The following ANO2 variants were observed in gnomAD, a reference collection of about 807,000 sequenced individuals.
ANO2 encodes the protein anoctamin 2.
A neutral mutation model predicts 124.2 loss-of-function variants in ANO2; 101 were observed. That is an observed-to-expected ratio of 0.81 (90% CI 0.69 to 0.96). ANO2 has a LOEUF of 0.96. ANO2 is among the 40% of genes least tolerant of loss of function. The pLI is 0.00. For synonymous variants in ANO2, 486 were observed against 482.5 expected, an observed-to-expected ratio of 1.01 and a Z score of -0.09; for missense variants, 1,293 against 1,274.5, an observed-to-expected ratio of 1.01 and a Z score of -0.22.
At chr12:5,812,775 T>C (rs1443007181) in intron 7 of ANO2, among the ~76,000 whole-genome samples, 1 of 36,988 alleles carries the variant, frequency 2.7e-5, no homozygotes, top group African/African-American at 1.1e-4. Flanking sequence ...GGCAGGCAAG[T>C]GAAAGAAAGA....
At chr12:5,569,872 G>T (rs1941997856) in intron 23 of ANO2, among the ~76,000 whole-genome samples, 1 of 152,210 alleles carries the variant, frequency 6.6e-6, no homozygotes, top group Non-Finnish European at 1.5e-5. Flanking sequence ...CTGGGGTGGG[G>T]GCTGAGAAGT....
At chr12:5,738,886 T>G (rs1262812484) in intron 13 of ANO2, among the ~76,000 whole-genome samples, 5 of 152,196 alleles carry the variant, frequency 3.3e-5, no homozygotes, top group Admixed American at 3.3e-4. Context: ...GTTTAGTGTT[T>G]CTTTCTTCAT....
intron 20 of ANO2, among the ~76,000 whole-genome samples, chr12:5,584,434 T>C (rs1447757053): frequency 6.6e-6 from 1 of 152,146 alleles, no homozygotes; most frequent in Non-Finnish European, 1.5e-5. Context: ...ATAACTGAAA[T>C]GCTTAAAAAA....
At chr12:5,679,268 A>C (rs1948391241) in intron 14 of ANO2, among the ~76,000 whole-genome samples, 1 of 152,252 alleles carries the variant, frequency 6.6e-6, no homozygotes, top group African/African-American at 2.4e-5. Flanking sequence ...AATCGCAACA[A>C]AAGCAAAAAT....
At chr12:5,665,858 A>G (rs940862599) in intron 14 of ANO2, among the ~76,000 whole-genome samples, 5 of 152,116 alleles carry the variant, frequency 3.3e-5, no homozygotes, top group African/African-American at 1.2e-4. Context: ...CACAGGGTAC[A>G]GAGCCACCCC....
In ANO2 at chr12:5,628,287, C is replaced by G. The variant is rs968478523; in HGVS notation, c.1816+6865G>C. Reference sequence around the variant, plus strand: ...TGTCCTCCCTGCCTGGGTCATCTGACCCACACGGTTGTCCCCATCCCCAGA... The same window carrying G: ...TGTCCTCCCTGCCTGGGTCATCTGAGCCACACGGTTGTCCCCATCCCCAGA... On this transcript the variant is annotated intron_variant, in intron 16 of 24. Transcript: ENST00000682330. 2.0e-5 allele frequency among the ~76,000 whole-genome samples: 3 copies of G among 152,216 alleles called. No individual in the cohort carries two copies. The East Asian group carries it at 5.8e-4, about 29-fold the overall frequency.
chr12:5,646,164 C>A (rs989854625), intron 15 of ANO2, among the ~76,000 whole-genome samples: 6 of 152,308 alleles, frequency 3.9e-5, no homozygotes, highest in Admixed American at 2.0e-4. Flanking sequence ...ATCCTCCCTG[C>A]TCCCATAAAA....
At chr12:5,691,788 A>T (rs2137014621) in intron 14 of ANO2, among the ~76,000 whole-genome samples, 1 of 152,262 alleles carries the variant, frequency 6.6e-6, no homozygotes, top group South Asian at 2.1e-4. Flanking sequence ...CTGTAATTTC[A>T]GCTACTTGGG....
intron 16 of ANO2, among the ~76,000 whole-genome samples, chr12:5,621,371 A>G (rs1945110210): frequency 6.6e-6 from 1 of 152,264 alleles, no homozygotes; most frequent in African/African-American, 2.4e-5. Flanking sequence ...GTCGTATTCC[A>G]AGGAGGACAA....
intron 3 of ANO2, among the ~76,000 whole-genome samples, chr12:5,879,988 A>AAC (rs1938370759): frequency 6.6e-6 from 1 of 152,172 alleles, no homozygotes; most frequent in African/African-American, 2.4e-5. Context: ...TCAATCACAC[A>AAC]AGGGTAGATA....
chr12:5,850,287 G>T (rs531465728), intron 4 of ANO2, among the ~76,000 whole-genome samples: 2 of 151,736 alleles, frequency 1.3e-5, no homozygotes, highest in African/African-American at 4.8e-5. Flanking sequence ...GTGGTGGCGC[G>T]TACTTATAGT....
At chr12:5,575,163 T>C (rs1228758252) in intron 23 of ANO2, among the ~76,000 whole-genome samples, 1 of 152,208 alleles carries the variant, frequency 6.6e-6, no homozygotes, top group African/African-American at 2.4e-5. Flanking sequence ...CCCTCTCCTC[T>C]GAGCACCCAC....
intron 7 of ANO2, among the ~76,000 whole-genome samples, chr12:5,826,540 G>A (rs1953962326): frequency 6.6e-6 from 1 of 151,272 alleles, no homozygotes; most frequent in Non-Finnish European, 1.5e-5. Context: ...CACTTACTCA[G>A]CCTCGCCTCA....
chr12:5,753,941 G>A (rs1245131851), intron 10 of ANO2, among the ~76,000 whole-genome samples: 1 of 152,162 alleles, frequency 6.6e-6, no homozygotes, highest in African/African-American at 2.4e-5. Flanking sequence ...GTAAGAATGG[G>A]CATTTTTGCC....
chr12:5,638,622 G>A (rs74056076), intron 15 of ANO2, among the ~76,000 whole-genome samples: 2,902 of 151,534 alleles, frequency 0.019, 77 homozygotes, highest in African/African-American at 0.065. Flanking sequence ...TTCCATGTTT[G>A]TGGTCAATCT....
At chr12:5,690,631 C>A (rs367619841) in intron 14 of ANO2, among the ~76,000 whole-genome samples, 25 of 152,306 alleles carry the variant, frequency 1.6e-4, no homozygotes, top group Middle Eastern at 6.8e-3. Flanking sequence ...CCTTAAGCAT[C>A]CCAAGTATCA....
intron 14 of ANO2, among the ~76,000 whole-genome samples, chr12:5,691,058 G>A (rs373843): frequency 0.12 from 18,932 of 151,998 alleles, 1,283 homozygotes; most frequent in East Asian, 0.22. Context: ...GGCCAGGTGC[G>A]GTGGCTCACG....
At chr12:5,751,874 T>G (rs1951451509) in intron 10 of ANO2, among the ~76,000 whole-genome samples, 3 of 151,678 alleles carry the variant, frequency 2.0e-5, no homozygotes, top group African/African-American at 7.3e-5. Context: ...GACCAATATC[T>G]CCTCATTTTC....
intron 7 of ANO2, among the ~76,000 whole-genome samples, chr12:5,815,083 A>G (rs1239792618): frequency 1.3e-5 from 2 of 152,214 alleles, no homozygotes; most frequent in Non-Finnish European, 2.9e-5. Context: ...TTATCTGGTT[A>G]TCTCAGCTCT....
Sources: gnomAD v4.1 joint callset for allele counts (sites outside exome capture counted in the v4.1 genomes callset) on GRCh38, gnomAD v4.1.1 for gene constraint, MANE v1.5 for transcripts, NCBI Gene and HGNC (gene_info 2026-07-23, HGNC 2026-07-21) for gene names.